The following TG variants were observed in gnomAD, a reference collection of about 807,000 sequenced individuals.
TG encodes the protein thyroid hormones.
TG carries 270 observed loss-of-function variants against 324.7 expected under a neutral mutation model. The ratio of observed to expected loss-of-function variants is 0.83; its 90% CI spans 0.75 to 0.92. TG has a LOEUF of 0.92. TG is among the 40% of genes least tolerant of loss of function. The probability of loss-of-function intolerance (pLI) is 0.00; values close to 1 mark genes in which losing one functional copy is unlikely to be tolerated. For synonymous variants in TG, 1,401 were observed against 1,327.0 expected (o/e 1.06, Z -1.21); for missense variants, 3,591 against 3,456.4 (o/e 1.04, Z -0.98).
intron 25 of TG, among the ~76,000 whole-genome samples, chr8:132,937,483 T>C (rs2129800283): frequency 6.6e-6 from 1 of 152,276 alleles, no homozygotes; most frequent in South Asian, 2.1e-4. Context: ...CTCTCTCTAA[T>C]CTATGACCAG....
intron 45 of TG, among the ~76,000 whole-genome samples, chr8:133,123,935 C>T (rs74679330): frequency 2.2e-3 from 338 of 152,372 alleles, no homozygotes; most frequent in African/African-American, 7.5e-3. Flanking sequence ...CAGACAGCCT[C>T]GCCTGTGGGC....
Position 132,908,359 on chromosome 8 carries a change from C to G in TG, c.4002+19C>G. ...GATCCAGGTACATGCCTGGCCTTCC[C>G]CACAGTGAGGGCTTGGACTCAACTC... is the stretch of plus-strand genomic sequence containing the variant. On this transcript the variant is annotated intron_variant, in intron 18 of 47. Transcript: ENST00000220616. The G allele has an allele frequency of 6.6e-7, 1 of 1,520,696 alleles. No homozygotes were observed. The highest frequency in any genetic ancestry group is 1.1e-5 in the South Asian group (1 of 87,676). The allele number at this position is 1,520,696 out of a possible 1,614,324, so 94.2% of individuals were successfully genotyped here.
chr8:133,017,498 A>C (rs1393689371), intron 37 of TG, among the ~76,000 whole-genome samples: 3 of 152,134 alleles, frequency 2.0e-5, no homozygotes, highest in Non-Finnish European at 4.4e-5. Context: ...GTGCTGGTAA[A>C]GGGTCCTGGG....
intron 41 of TG, among the ~76,000 whole-genome samples, chr8:133,092,070 T>G (rs1456676086): frequency 6.6e-6 from 1 of 152,162 alleles, no homozygotes; most frequent in Non-Finnish European, 1.5e-5. Flanking sequence ...TCTCCTGTGT[T>G]GTGTGATTTC....
chr8:133,109,162 G>A lies in TG; in HGVS notation c.7573-4260G>A, dbSNP rs996339575. 1.4e-4 allele frequency among the ~76,000 whole-genome samples: 21 copies of A among 152,264 alleles called. No individual in the cohort carries two copies. The Middle Eastern group carries it at 0.014, about 99-fold the overall frequency. On this transcript the variant is annotated intron_variant, in intron 43 of 47. Transcript: ENST00000220616. ...ATCTGTCCTGTTTCCTGGAGGAGGT[G>A]AGCCCTGAGCAAAACCTGGATTTTC...
chr8:132,872,235 T>C (rs1454471033), intron 4 of TG, among the ~76,000 whole-genome samples: 1 of 151,848 alleles, frequency 6.6e-6, no homozygotes, highest in African/African-American at 2.4e-5. Flanking sequence ...TCCCAGCACT[T>C]TGGGAGGCCG....
At chr8:132,898,740 C>A (rs890418270) in intron 13 of TG, 58 bp from the exon 14 acceptor site, 96 of 1,505,426 alleles carry the variant, frequency 6.4e-5, no homozygotes, top group Non-Finnish European at 8.0e-5. Context: ...AGCCTGGGAT[C>A]CCCTCTTTCT....
At chr8:132,967,705 G>T in intron 30 of TG, 89 bp from the exon 31 acceptor site, 1 of 1,451,966 alleles carries the variant, frequency 6.9e-7, no homozygotes. Flanking sequence ...ATCTCTACCA[G>T]GCATTTCCCC....
intron 36 of TG, among the ~76,000 whole-genome samples, chr8:133,012,988 T>C (rs945817945): frequency 3.9e-5 from 6 of 152,126 alleles, no homozygotes; most frequent in Non-Finnish European, 5.9e-5. Flanking sequence ...TGAGGAGGCA[T>C]TGAAGAACAG....
At chr8:132,919,240 A>G (rs987445995) in intron 20 of TG, 136 bp from the exon 21 acceptor site, 2 of 920,150 alleles carry the variant, frequency 2.2e-6, no homozygotes, top group Non-Finnish European at 3.4e-6. Context: ...GACACACAGT[A>G]GGTTCTCAGT....
chr8:132,899,239 C>A (rs1817572127), intron 14 of TG, among the ~76,000 whole-genome samples: 1 of 152,214 alleles, frequency 6.6e-6, no homozygotes, highest in African/African-American at 2.4e-5. Context: ...TTCCTAAAGG[C>A]ATCTTGGCCA....
intron 29 of TG, among the ~76,000 whole-genome samples, chr8:132,963,737 T>G (rs1828104828): frequency 2.1e-5 from 3 of 144,814 alleles, no homozygotes; most frequent in East Asian, 2.0e-4. Flanking sequence ...GGAATAGGAG[T>G]AGGAGCAGAA....
intron 26 of TG, among the ~76,000 whole-genome samples, chr8:132,948,179 TC>T (rs34581780): frequency 0.02 from 2,994 of 151,236 alleles, 105 homozygotes; most frequent in African/African-American, 0.07. Context: ...TCTTACTCCG[TC>T]CCCCCCCAAA....
chr8:132,971,524 T>A (rs1829518614), intron 32 of TG, among the ~76,000 whole-genome samples: 1 of 152,198 alleles, frequency 6.6e-6, no homozygotes, highest in Non-Finnish European at 1.5e-5. Flanking sequence ...TGGCACATAA[T>A]AGGCACAGAA....
chr8:133,043,262 T>G (rs1188609086), intron 41 of TG, among the ~76,000 whole-genome samples: 1 of 152,136 alleles, frequency 6.6e-6, no homozygotes, highest in Non-Finnish European at 1.5e-5. Context: ...CCTCATGGCC[T>G]CATGGTCCCT....
intron 41 of TG, among the ~76,000 whole-genome samples, chr8:133,054,197 C>T (rs768400656): frequency 2.0e-5 from 3 of 151,950 alleles, no homozygotes; most frequent in Non-Finnish European, 2.9e-5. Context: ...GAGAGCTCAG[C>T]GTTTGAATTC....
intron 41 of TG, among the ~76,000 whole-genome samples, chr8:133,055,363 GCGCACACACACACA>G (rs1415370511): frequency 3.1e-4 from 10 of 32,018 alleles, no homozygotes; most frequent in East Asian, 4.7e-4. Flanking sequence ...ACACGCACGC[GCGCACACACACACA>G]CACACACACA....
intron 28 of TG, among the ~76,000 whole-genome samples, chr8:132,962,216 G>C (rs1173464813): frequency 6.6e-6 from 1 of 152,086 alleles, no homozygotes; most frequent in Non-Finnish European, 1.5e-5. Context: ...ATTTTAAAGA[G>C]ATAAAATGAG....
At chr8:133,050,800 T>C (rs758462361) in intron 41 of TG, 1 of 1,525,790 alleles carries the variant, frequency 6.6e-7, no homozygotes, top group Admixed American at 1.7e-5. Context: ...GCACAAGTTT[T>C]GGAGAGCTGA....
Sources: gnomAD v4.1 joint callset for allele counts (sites outside exome capture counted in the v4.1 genomes callset) on GRCh38, gnomAD v4.1.1 for gene constraint, MANE v1.5 for transcripts, NCBI Gene and HGNC (gene_info 2026-07-23, HGNC 2026-07-21) for gene names.